Variants in PRDM5 observed in about 807,000 individuals in gnomAD.
The protein encoded by PRDM5 is PR/SET domain 5.
Under a neutral mutation model 81.2 loss-of-function variants are expected in PRDM5, and 56 were observed. The observed-to-expected ratio is 0.69, with a 90% CI of 0.56 to 0.86. PRDM5 has a LOEUF of 0.86. Ranked by LOEUF, PRDM5 falls within the 40% of genes least tolerant of loss-of-function variation. The pLI is 0.00. For synonymous variants in PRDM5, 267 were observed against 256.4 expected (o/e 1.04, Z -0.39); for missense variants, 697 against 770.1 (o/e 0.91, Z 1.12).
chr4:120,852,884 T>C (rs1262368009), intron 3 of PRDM5, among the ~76,000 whole-genome samples: 2 of 151,148 alleles, frequency 1.3e-5, no homozygotes, highest in Admixed American at 6.6e-5. Flanking sequence ...ACTGCAGCCT[T>C]GACCTCTCGG....
intron 2 of PRDM5, among the ~76,000 whole-genome samples, chr4:120,862,165 C>A (rs908637306): frequency 6.6e-6 from 1 of 152,160 alleles, no homozygotes; most frequent in African/African-American, 2.4e-5. Context: ...AATCATAGTT[C>A]TGTGCTGAAA....
rs140634372 is a variant in PRDM5 at position 120,798,389 on chromosome 4, A to G, written c.1066T>C (p.Ser356Pro). 2 of 1,612,480 alleles carry G rather than the reference A, an allele frequency of 1.2e-6. No individual in the cohort carries two copies. The highest frequency in any genetic ancestry group is 3.3e-5 in the Admixed American group (2 of 59,956). The change falls in exon 10 of 16, where the codon TCT (serine) becomes CCT (proline). Residue 356 changes from serine to proline, a missense_variant. This residue lies in a region of PRDM5 where 577 missense variants were observed against 606.7 expected (regional missense o/e 0.95). Transcript: ENST00000264808. ...RPYNCEICNKSFKRLDQVGAH... is the reference protein window; with the variant it reads ...RPYNCEICNKPFKRLDQVGAH... ...CCCACTTGATCAAGCCTCTTGAAAG[A>G]CTTATTACAAATCTCGCAATTATAG...
intron 7 of PRDM5, chr4:120,816,171 A>G: frequency 2.4e-6 from 1 of 419,138 alleles, no homozygotes; most frequent in South Asian, 2.6e-5. Flanking sequence ...ACTTAAAAAT[A>G]TTAATTCTTA....
At chr4:120,901,589 A>G (rs754619554) in intron 2 of PRDM5, among the ~76,000 whole-genome samples, 4 of 152,222 alleles carry the variant, frequency 2.6e-5, no homozygotes, top group Non-Finnish European at 5.9e-5. Flanking sequence ...AGACTTTTTA[A>G]AAAAGCAAAG....
chr4:120,869,848 A>G (rs1480391703), intron 2 of PRDM5, among the ~76,000 whole-genome samples: 2 of 152,250 alleles, frequency 1.3e-5, no homozygotes, highest in African/African-American at 4.8e-5. Context: ...AATCTCTGTT[A>G]GCACTCATGC....
chr4:120,898,634 C>A (rs1764915051), intron 2 of PRDM5, among the ~76,000 whole-genome samples: 1 of 152,176 alleles, frequency 6.6e-6, no homozygotes, highest in Non-Finnish European at 1.5e-5. Context: ...CCCCTTGAAG[C>A]TGTTAAACAA....
chr4:120,833,667 G>A (rs1756984472), intron 3 of PRDM5, among the ~76,000 whole-genome samples: 1 of 152,282 alleles, frequency 6.6e-6, no homozygotes, highest in South Asian at 2.1e-4. Context: ...TAAGTGCTTA[G>A]TTAAGATGGA....
At chr4:120,733,121 T>A (rs1430544459) in intron 14 of PRDM5, among the ~76,000 whole-genome samples, 1 of 152,208 alleles carries the variant, frequency 6.6e-6, no homozygotes, top group Non-Finnish European at 1.5e-5. Flanking sequence ...ACAGAGCTGC[T>A]TGGACTGAAT....
chr4:120,874,856 G>C (rs936547865), intron 2 of PRDM5, among the ~76,000 whole-genome samples: 2 of 152,232 alleles, frequency 1.3e-5, no homozygotes, highest in East Asian at 3.8e-4. Flanking sequence ...CTGACAGGAA[G>C]TATATGTGTG....
At position 120,811,375 on chromosome 4, in the gene PRDM5, T is replaced by G; in HGVS notation, c.940A>C (p.Arg314=). 6.3e-7 allele frequency: 1 copy of G among 1,588,984 alleles called. No homozygotes were observed. The highest frequency in any genetic ancestry group is 8.6e-7 in the Non-Finnish European group (1 of 1,160,128). ...CSSASSLQEH[R]KIHEIFDCQE... is the part of the protein sequence containing the mutation. ...TGAATTTTTATCTTACTGACCTTTC[T>G]ATGTTCCTGTAGGCTTGATGCTGAA... The change falls in exon 8 of 16, where the codon AGA becomes CGA. Residue 314 remains arginine, a synonymous_variant. Transcript: ENST00000264808.
intron 14 of PRDM5, among the ~76,000 whole-genome samples, chr4:120,716,080 A>G (rs1218344583): frequency 1.3e-5 from 2 of 152,166 alleles, no homozygotes; most frequent in African/African-American, 4.8e-5. Context: ...AAAAATGCAA[A>G]CACGTATTAA....
intron 1 of PRDM5, among the ~76,000 whole-genome samples, chr4:120,916,843 TTC>T (rs1409638993): frequency 6.6e-6 from 1 of 152,218 alleles, no homozygotes; most frequent in African/African-American, 2.4e-5. Flanking sequence ...TATCAGCATG[TTC>T]TGTTACCCCA....
chr4:120,689,851 G>C (rs1428077669), downstream of PRDM5, among the ~76,000 whole-genome samples: 1 of 152,094 alleles, frequency 6.6e-6, no homozygotes, highest in Non-Finnish European at 1.5e-5. Flanking sequence ...CTGGGCTCAA[G>C]TGATCTGCCT....
At chr4:120,839,417 C>T (rs1316973291) in intron 3 of PRDM5, 1 of 642,724 alleles carries the variant, frequency 1.6e-6, no homozygotes, top group Non-Finnish European at 2.8e-6. Context: ...ATTCAGGCTG[C>T]TAGCAGAGAA....
At chr4:120,861,918 A>T (rs918434436) in intron 2 of PRDM5, among the ~76,000 whole-genome samples, 5 of 152,154 alleles carry the variant, frequency 3.3e-5, no homozygotes, top group African/African-American at 9.7e-5. Context: ...GGAGAAAAAA[A>T]TTTTTTTAAT....
intron 3 of PRDM5, among the ~76,000 whole-genome samples, chr4:120,823,132 T>C (rs2149351901): frequency 6.6e-6 from 1 of 152,294 alleles, no homozygotes; most frequent in Admixed American, 6.5e-5. Context: ...TAAATATTAG[T>C]GTTTATCTGA....
At chr4:120,901,856 C>A (rs1386169504) in intron 2 of PRDM5, among the ~76,000 whole-genome samples, 1 of 152,170 alleles carries the variant, frequency 6.6e-6, no homozygotes, top group African/African-American at 2.4e-5. Context: ...GCATATGACT[C>A]CACTTGCATC....
At chr4:120,745,295 G>C (rs1578564025) in intron 14 of PRDM5, among the ~76,000 whole-genome samples, 1 of 123,774 alleles carries the variant, frequency 8.1e-6, no homozygotes, top group Admixed American at 8.4e-5. Context: ...AATAATAAGA[G>C]CTATCTATGA....
At chr4:120,687,869 C>A (rs898491860), downstream of PRDM5, among the ~76,000 whole-genome samples, 1 of 152,096 alleles carries the variant, frequency 6.6e-6, no homozygotes, top group African/African-American at 2.4e-5. Flanking sequence ...ACATCCTTGC[C>A]AGTGCTTGCA....
Sources: gnomAD v4.1 joint callset for allele counts (sites outside exome capture counted in the v4.1 genomes callset) on GRCh38, gnomAD v4.1.1 for gene constraint, gnomAD v4.1.1 regional missense constraint, MANE v1.5 for transcripts, NCBI Gene and HGNC (gene_info 2026-07-23, HGNC 2026-07-21) for gene names.